NPAS3: variants seen among roughly 807,000 people sequenced by gnomAD.
NPAS3 encodes the protein neuronal PAS domain-containing protein 3.
NPAS3 carries 14 observed loss-of-function variants against 73.1 expected under a neutral mutation model. The observed-to-expected ratio is 0.19, with a 90% confidence interval of 0.13 to 0.30. NPAS3 has a LOEUF of 0.30. Ranked by LOEUF, NPAS3 falls within the 10% of genes least tolerant of loss-of-function variation. NPAS3 has a pLI of 1.00. For missense variants in NPAS3, 1,096 were observed against 1,250.0 expected (o/e 0.88, Z 1.86); for synonymous variants, 620 against 541.5 (o/e 1.14, Z -2.01).
In NPAS3 at chr14:33,727,616, A is replaced by G. The variant is rs190467695; in HGVS notation, c.734-7598A>G. On this transcript the variant is annotated intron_variant, in intron 6 of 11. Coordinates refer to ENST00000356141, the Ensembl canonical transcript of NPAS3. ...GACATGATGTTTGTCATTAAAAAAA[A>G]AGAGAAAAGAAAAAGAAAAAGAAGG... Among the ~76,000 whole-genome samples, 104 of 152,098 alleles carry G rather than the reference A, an allele frequency of 6.8e-4. 2 individuals are homozygous for G. The highest frequency in any genetic ancestry group is 3.2e-4 in the Non-Finnish European group (22 of 67,990).
chr14:33,316,467 A>G (rs1363956428), intron 3 of NPAS3, among the ~76,000 whole-genome samples: 1 of 152,072 alleles, frequency 6.6e-6, no homozygotes, highest in Non-Finnish European at 1.5e-5. Context: ...CTGCAGATTT[A>G]TCATGAGTTC....
intron 4 of NPAS3, among the ~76,000 whole-genome samples, chr14:33,529,612 G>T: frequency 6.6e-6 from 1 of 152,068 alleles, no homozygotes; most frequent in South Asian, 2.1e-4. Flanking sequence ...AAAGAGACAA[G>T]AAATATTTTT....
intron 6 of NPAS3, among the ~76,000 whole-genome samples, chr14:33,679,055 T>C (rs1356082267): frequency 6.6e-6 from 1 of 152,160 alleles, no homozygotes; most frequent in Non-Finnish European, 1.5e-5. Context: ...TACTACAAAT[T>C]TACTTAGGTT....
At chr14:33,671,205 TTAGTACATCACTG>T (rs2059601611) in intron 5 of NPAS3, among the ~76,000 whole-genome samples, 1 of 152,148 alleles carries the variant, frequency 6.6e-6, no homozygotes, top group African/African-American at 2.4e-5. Context: ...AGTTGCACTG[TTAGTACATCACTG>T]TAGTTAAAAA....
At chr14:33,008,613 T>G (rs139610487) in intron 1 of NPAS3, among the ~76,000 whole-genome samples, 2 of 152,234 alleles carry the variant, frequency 1.3e-5, no homozygotes, top group African/African-American at 4.8e-5. Context: ...TGAGGACTTA[T>G]AATTTTTAAG....
intron 3 of NPAS3, among the ~76,000 whole-genome samples, chr14:33,229,456 T>TGA (rs2047760437): frequency 6.6e-6 from 1 of 152,212 alleles, no homozygotes; most frequent in South Asian, 2.1e-4. Flanking sequence ...AGCCTGCTAC[T>TGA]GAGGCAGGGC....
At chr14:33,004,061 C>T (rs1439466102) in intron 1 of NPAS3, among the ~76,000 whole-genome samples, 1 of 152,082 alleles carries the variant, frequency 6.6e-6, no homozygotes, top group African/African-American at 2.4e-5. Flanking sequence ...GGGAGTTATG[C>T]AATCATTATT....
chr14:32,988,483 A>C (rs2038185901), intron 1 of NPAS3, among the ~76,000 whole-genome samples: 1 of 152,248 alleles, frequency 6.6e-6, no homozygotes, highest in African/African-American at 2.4e-5. Context: ...ATTAAAATGT[A>C]ATAATGAATA....
chr14:33,595,540 G>C (rs867408075), intron 5 of NPAS3, among the ~76,000 whole-genome samples: 1 of 151,902 alleles, frequency 6.6e-6, no homozygotes, highest in East Asian at 1.9e-4. Flanking sequence ...TAGAACATAT[G>C]CATGTAAAAT....
intron 3 of NPAS3, among the ~76,000 whole-genome samples, chr14:33,257,840 G>A (rs973088455): frequency 6.6e-6 from 1 of 152,010 alleles, no homozygotes; most frequent in African/African-American, 2.4e-5. Context: ...AAGGAGAAGT[G>A]CCACAATACT....
rs200845143 is a variant in NPAS3 at position 32,952,592 on chromosome 14, GA to G, written c.50+13236del. On this transcript the variant is annotated intron_variant, in intron 1 of 11. Coordinates refer to ENST00000356141, the Ensembl canonical transcript of NPAS3. Reference sequence around the variant, plus strand: ...AATGTCTCATAGTGACATTGTTTTAGAAAAAAAAAATTTAATTTTATCACAA... The same window carrying G: ...AATGTCTCATAGTGACATTGTTTTAGAAAAAAAAATTTAATTTTATCACAA... Among the ~76,000 whole-genome samples the G allele has an allele frequency of 4.4e-4, 65 of 149,414 alleles. No individual in the cohort carries two copies. The East Asian group carries it at 8.6e-3, about 20-fold the overall frequency.
chr14:33,673,857 T>C (rs1308144719), intron 5 of NPAS3, among the ~76,000 whole-genome samples: 4 of 152,210 alleles, frequency 2.6e-5, no homozygotes, highest in Non-Finnish European at 5.9e-5. Context: ...AGGAGGAAGA[T>C]TCTGGTCTTG....
chr14:33,399,299 C>T (rs2047351286), intron 4 of NPAS3, among the ~76,000 whole-genome samples: 1 of 152,036 alleles, frequency 6.6e-6, no homozygotes, highest in South Asian at 2.1e-4. Context: ...TCTGACATTA[C>T]AGGCAGCATG....
intron 3 of NPAS3, among the ~76,000 whole-genome samples, chr14:33,334,003 G>A (rs1051120594): frequency 2.6e-5 from 4 of 152,008 alleles, no homozygotes; most frequent in African/African-American, 9.7e-5. Flanking sequence ...AGAAATCTTA[G>A]GTAGATTATA....
At chr14:33,135,911 C>A (rs1472754303) in intron 2 of NPAS3, among the ~76,000 whole-genome samples, 2 of 152,094 alleles carry the variant, frequency 1.3e-5, no homozygotes, top group South Asian at 2.1e-4. Context: ...GTGAAATAGA[C>A]CTCATGTAAT....
At chr14:33,293,728 T>A (rs2042188292) in intron 3 of NPAS3, among the ~76,000 whole-genome samples, 1 of 152,112 alleles carries the variant, frequency 6.6e-6, no homozygotes, top group African/African-American at 2.4e-5. Flanking sequence ...TATACAAAAT[T>A]CCAAAAACTA....
chr14:33,207,715 A>T (rs2139632266), intron 2 of NPAS3, among the ~76,000 whole-genome samples: 1 of 152,302 alleles, frequency 6.6e-6, no homozygotes, highest in Non-Finnish European at 1.5e-5. Flanking sequence ...GTTACCAAGG[A>T]GATAGCATTT....
chr14:33,052,477 A>C (rs1228148689), intron 1 of NPAS3, among the ~76,000 whole-genome samples: 6 of 152,214 alleles, frequency 3.9e-5, no homozygotes, highest in Non-Finnish European at 5.9e-5. Flanking sequence ...ATTGTCTTAA[A>C]ACAATACATT....
chr14:33,053,894 G>T (rs2040796315), intron 1 of NPAS3, among the ~76,000 whole-genome samples: 1 of 152,050 alleles, frequency 6.6e-6, no homozygotes, highest in South Asian at 2.1e-4. Context: ...GCTTCAAATT[G>T]TTCATAGTCA....
Sources: gnomAD v4.1 joint callset for allele counts (sites outside exome capture counted in the v4.1 genomes callset) on GRCh38, gnomAD v4.1.1 for gene constraint, MANE v1.5 for transcripts, NCBI Gene and HGNC (gene_info 2026-07-23, HGNC 2026-07-21) for gene names.